SASH1: variants seen among roughly 807,000 people sequenced by gnomAD.
SASH1 encodes SAM and SH3 domain containing 1.
SASH1 carries 44 observed loss-of-function variants against 125.2 expected under a neutral mutation model. The ratio of observed to expected loss-of-function variants is 0.35; its 90% CI spans 0.28 to 0.45. The LOEUF is 0.45. Among genes scored for constraint, SASH1 ranks in the 20% least tolerant of loss-of-function variants. The probability of loss-of-function intolerance (pLI) is 1.00; values close to 1 mark genes in which losing one functional copy is unlikely to be tolerated. For missense variants in SASH1, 1,426 were observed against 1,614.5 expected (o/e 0.88, Z 2.00); for synonymous variants, 639 against 649.1 (o/e 0.98, Z 0.24).
the SASH1 span, among the ~76,000 whole-genome samples, chr6:148,219,077 G>A: frequency 6.6e-6 from 1 of 152,154 alleles, no homozygotes; most frequent in Non-Finnish European, 1.5e-5. Context: ...TTGGTTATAG[G>A]AACAGTGTTC....
chr6:148,476,749 C>A (rs1778380143), intron 7 of SASH1, among the ~76,000 whole-genome samples: 1 of 152,070 alleles, frequency 6.6e-6, no homozygotes, highest in African/African-American at 2.4e-5. Flanking sequence ...ATACCTAGAA[C>A]AGCCAAAGCC....
At chr6:148,530,369 T>C (rs1052083165) in intron 12 of SASH1, among the ~76,000 whole-genome samples, 3 of 152,130 alleles carry the variant, frequency 2.0e-5, no homozygotes, top group East Asian at 3.8e-4. Context: ...AAGTTACTTA[T>C]TTTATGACGC....
At chr6:148,460,945 C>G (rs12663076) in intron 4 of SASH1, among the ~76,000 whole-genome samples, 21,990 of 152,076 alleles carry the variant, frequency 0.14, 1,661 homozygotes, top group East Asian at 0.19. Flanking sequence ...TAGGAGATAC[C>G]TCATGGCAAT....
At chr6:148,449,078 C>CTTTTTCTTTTTTTTTTTTTTT in intron 4 of SASH1, among the ~76,000 whole-genome samples, 9 of 88,730 alleles carry the variant, frequency 1.0e-4, no homozygotes, top group African/African-American at 3.9e-4. Context: ...CATTTCATTT[C>CTTTTTCTTTTTTTTTTTTTTT]TTTTTTTTTT....
At chr6:148,388,595 C>A (rs905523687) in intron 1 of SASH1, among the ~76,000 whole-genome samples, 1 of 152,162 alleles carries the variant, frequency 6.6e-6, no homozygotes, top group Non-Finnish European at 1.5e-5. Context: ...TTTTCTGAAG[C>A]GTCATTTTTT....
intron 4 of SASH1, among the ~76,000 whole-genome samples, chr6:148,440,920 T>G (rs1583164153): frequency 6.6e-6 from 1 of 152,250 alleles, no homozygotes; most frequent in African/African-American, 2.4e-5. Context: ...ATATTTTTGC[T>G]TCCTTGACCC....
At chr6:148,251,120 C>A in the SASH1 span, among the ~76,000 whole-genome samples, 2 of 152,160 alleles carry the variant, frequency 1.3e-5, no homozygotes, top group African/African-American at 4.8e-5. Context: ...AGTGTAACAT[C>A]AAGTAGTTCA....
intron 10 of SASH1, chr6:148,525,071 G>T (rs868770526): frequency 2.8e-5 from 15 of 537,214 alleles, no homozygotes; most frequent in Middle Eastern, 5.0e-4. Context: ...GACCTCTGGG[G>T]TAGGCAGAGT....
intron 1 of SASH1, among the ~76,000 whole-genome samples, chr6:148,373,537 G>GC (rs893399004): frequency 1.3e-5 from 2 of 152,152 alleles, no homozygotes; most frequent in African/African-American, 4.8e-5. Flanking sequence ...AGAAACAGGA[G>GC]CCCGAGTAAG....
chr6:148,449,078 C>CTTTTTCTTTTTTTTTTCTTTTTTTTTTT lies in SASH1; in HGVS notation c.386+8676_386+8677insCTTTTTTTTTTCTTTTTTTTTTTTTTTT. 1.1e-4 allele frequency among the ~76,000 whole-genome samples: 10 copies of CTTTTTCTTTTTTTTTTCTTTTTTTTTTT among 88,734 alleles called. 1 individual carries two copies. The highest frequency in any genetic ancestry group is 2.1e-4 in the Non-Finnish European group (9 of 43,438). 58.2% of individuals were successfully genotyped at this position (88,734 alleles called of 152,430 possible). ...GAGACTGGCTAATTTCATTTCATTT[C>CTTTTTCTTTTTTTTTTCTTTTTTTTTTT]TTTTTTTTTTTTTTTGGAGACAGAG... On this transcript the variant is annotated intron_variant, in intron 4 of 19. Transcript: ENST00000367467.
the SASH1 span, among the ~76,000 whole-genome samples, chr6:148,204,827 T>A: frequency 1.3e-5 from 2 of 152,084 alleles, no homozygotes; most frequent in African/African-American, 2.4e-5. Flanking sequence ...TGAAAGTATA[T>A]AAAATTGCTT....
Position 148,531,506 on chromosome 6 carries a change from T to A in SASH1, c.1429-20T>A. 1 of 1,468,070 alleles carries A rather than the reference T, an allele frequency of 6.8e-7. No homozygotes were observed. The highest frequency in any genetic ancestry group is 9.1e-7 in the Non-Finnish European group (1 of 1,104,292). The allele number at this position is 1,468,070 out of a possible 1,614,324, so 90.9% of individuals were successfully genotyped here. A position where few individuals can be genotyped will look rare whatever the true frequency, so the allele number is the denominator to read the frequency against. On this transcript the variant is annotated intron_variant, in intron 12 of 19. Coordinates refer to ENST00000367467, the MANE Select transcript of SASH1 (RefSeq NM_015278.5). ...TGTCCACTCTGATGAACTTCTTCAT[T>A]TTGTTGAAACCCATGGCAGGACTCG... is the stretch of plus-strand genomic sequence containing the variant.
chr6:148,463,677 C>T (rs1031431805), intron 4 of SASH1, among the ~76,000 whole-genome samples: 6 of 152,134 alleles, frequency 3.9e-5, no homozygotes, highest in Non-Finnish European at 7.3e-5. Context: ...AAATTCTTAT[C>T]TGCAGCTCTA....
chr6:148,342,928 G>C lies in SASH1; in HGVS notation c.-140G>C. On this transcript the variant is annotated 5_prime_UTR_variant, in exon 1 of 20. Transcript: ENST00000367467. Reference sequence around the variant, plus strand: ...GCGAAGGGCCCCCGCGGGGTGGCCGGGGCCGCCGGGGCATGCAGCGCGGGG... The same window carrying C: ...GCGAAGGGCCCCCGCGGGGTGGCCGCGGCCGCCGGGGCATGCAGCGCGGGG... 1 of 786,438 alleles carries C rather than the reference G, an allele frequency of 1.3e-6. No homozygotes were observed. The highest frequency in any genetic ancestry group is 1.5e-6 in the Non-Finnish European group (1 of 648,304). The allele number at this position is 786,438 out of a possible 1,614,324, so 48.7% of individuals were successfully genotyped here. A position where few individuals can be genotyped will look rare whatever the true frequency, so the allele number is the denominator to read the frequency against.
At chr6:148,340,222 T>C (rs1022843555), upstream of SASH1, among the ~76,000 whole-genome samples, 1 of 152,156 alleles carries the variant, frequency 6.6e-6, no homozygotes, top group Non-Finnish European at 1.5e-5. Flanking sequence ...CGGTGGCTCA[T>C]GCCTGTAATC....
At chr6:148,493,472 G>A (rs190095614) in intron 8 of SASH1, among the ~76,000 whole-genome samples, 13 of 152,166 alleles carry the variant, frequency 8.5e-5, no homozygotes, top group African/African-American at 2.9e-4. Context: ...GTTTTCTATC[G>A]ATTCCTTTCT....
At chr6:148,508,355 T>A in intron 8 of SASH1, 1 of 428,792 alleles carries the variant, frequency 2.3e-6, no homozygotes, top group South Asian at 9.7e-5. Context: ...GATCTTTTTT[T>A]AAGTTCAGTC....
chr6:148,539,482 C>T (rs1782085633), intron 16 of SASH1, among the ~76,000 whole-genome samples: 1 of 152,122 alleles, frequency 6.6e-6, no homozygotes, highest in Non-Finnish European at 1.5e-5. Context: ...TGTGTTACTT[C>T]ACTTAGAATA....
intron 11 of SASH1, among the ~76,000 whole-genome samples, chr6:148,526,330 G>T (rs764215183): frequency 3.3e-5 from 5 of 152,076 alleles, no homozygotes; most frequent in Non-Finnish European, 7.4e-5. Flanking sequence ...CCAGAGTGCT[G>T]GGATTACAGG....
Sources: gnomAD v4.1 joint callset for allele counts (sites outside exome capture counted in the v4.1 genomes callset) on GRCh38, gnomAD v4.1.1 for gene constraint, MANE v1.5 for transcripts, NCBI Gene and HGNC (gene_info 2026-07-23, HGNC 2026-07-21) for gene names.